RFK: variants seen among roughly 807,000 people sequenced by gnomAD.
RFK encodes the protein riboflavin kinase, also known as 0610038L10Rik.
RFK carries 4 observed loss-of-function variants against 17.6 expected under a neutral mutation model. That is an observed-to-expected ratio of 0.23 (90% CI 0.11 to 0.52). The LOEUF (loss-of-function observed/expected upper bound fraction) is 0.52, where lower values mean the gene tolerates loss of function less well. Among genes scored for constraint, RFK ranks in the 20% least tolerant of loss-of-function variants. RFK has a pLI of 0.96. For missense variants in RFK, 189 were observed against 187.7 expected (o/e 1.01, Z -0.04); for synonymous variants, 59 against 63.8 (o/e 0.92, Z 0.36).
chr9:76,393,805 C>A, intron 1 of RFK: 1 of 478,988 alleles, frequency 2.1e-6, no homozygotes, highest in Non-Finnish European at 3.7e-6. Flanking sequence ...TGTACCTTGG[C>A]TGGCCAAGGA....
intron 2 of RFK, among the ~76,000 whole-genome samples, chr9:76,389,196 C>T (rs989460352): frequency 1.3e-5 from 2 of 152,100 alleles, no homozygotes; most frequent in Non-Finnish European, 1.5e-5. Flanking sequence ...TGCCGCATGA[C>T]GTAGAAAGTG....
rs960148593 is a variant in RFK at position 76,394,394 on chromosome 9, C to A, written c.-223G>T. The A allele has an allele frequency of 3.6e-5, 17 of 474,648 alleles. 1 individual carries two copies. The South Asian group carries it at 5.3e-4, about 15-fold the overall frequency. The allele number at this position is 474,648 out of a possible 1,614,324, so 29.4% of individuals were successfully genotyped here. On this transcript the variant is annotated 5_prime_UTR_variant, in exon 1 of 4. Transcript: ENST00000376736. ...CCGGGCGCCTGAGGAGCTGCGTCTC[C>A]GCTGGAGGGCAGCGGAGACAGCCGA...
At chr9:76,387,721 C>G in intron 3 of RFK, 192 bp from the exon 4 acceptor site, 1 of 393,790 alleles carries the variant, frequency 2.5e-6, no homozygotes, top group East Asian at 3.4e-5. Context: ...GTCCCTAGGC[C>G]GGGGGCAGTG....
chr9:76,392,659 G>A, intron 1 of RFK, 90 bp from the exon 2 acceptor site: 1 of 1,308,792 alleles, frequency 7.6e-7, no homozygotes, highest in Non-Finnish European at 1.1e-6. Flanking sequence ...GTAATTCTAG[G>A]ACTTTGAGAG....
chr9:76,392,220 G>A (rs1335165250), intron 2 of RFK, among the ~76,000 whole-genome samples, 198 bp downstream of exon 2: 1 of 152,152 alleles, frequency 6.6e-6, no homozygotes, highest in Non-Finnish European at 1.5e-5. Flanking sequence ...CAAAACAGTA[G>A]ATGTCCCTCC....
At chr9:76,390,738 A>G (rs1822808368) in intron 2 of RFK, among the ~76,000 whole-genome samples, 1 of 143,696 alleles carries the variant, frequency 7.0e-6, no homozygotes, top group African/African-American at 2.4e-5. Flanking sequence ...ACACACACAC[A>G]CACAATGAAA....
chr9:76,386,439 T>C lies in RFK; in HGVS notation c.*960A>G, dbSNP rs949683822. On this transcript the variant is annotated 3_prime_UTR_variant, in exon 4 of 4. Coordinates refer to ENST00000376736, the MANE Select transcript of RFK (RefSeq NM_018339.6). Reference sequence around the variant, plus strand: ...AAACATTTTGTGTTCTTTAAGAAATTGATATGTGTAAATGTGTTCACTTAA... The same window carrying C: ...AAACATTTTGTGTTCTTTAAGAAATCGATATGTGTAAATGTGTTCACTTAA... 2 of 152,184 alleles carry C rather than the reference T, an allele frequency of 1.3e-5. No homozygotes were observed. The highest frequency in any genetic ancestry group is 2.4e-5 in the African/African-American group (1 of 41,452). 9.4% of individuals were successfully genotyped at this position (152,184 alleles called of 1,614,324 possible).
chr9:76,393,947 G>T (rs1294527279), intron 1 of RFK, 143 bp downstream of exon 1: 2 of 739,138 alleles, frequency 2.7e-6, no homozygotes, highest in Admixed American at 2.9e-5. Context: ...CTCCGCCACA[G>T]ACAAGGGGAT....
In RFK at chr9:76,387,216, CTA is replaced by C. The variant is rs1822746857; in HGVS notation, c.*181_*182del. On this transcript the variant is annotated 3_prime_UTR_variant, in exon 4 of 4. Coordinates refer to ENST00000376736, the MANE Select transcript of RFK (RefSeq NM_018339.6). ...TATTTTTAACTCAATCTTTTTAGTGCTATGATATGATGGGCTTAATTTAATAG... is the reference window on the plus strand; with the variant it reads ...TATTTTTAACTCAATCTTTTTAGTGCTGATATGATGGGCTTAATTTAATAG... 2.0e-6 allele frequency: 1 copy of C among 507,062 alleles called. No individual in the cohort carries two copies. Among genetic ancestry groups the C allele is most frequent in the African/African-American group, 1.9e-5 (1 of 52,666 alleles). The allele number at this position is 507,062 out of a possible 1,614,324, so 31.4% of individuals were successfully genotyped here.
intron 3 of RFK, 22 bp downstream of exon 3, chr9:76,388,529 TAAG>T (rs1248753094): frequency 7.1e-7 from 1 of 1,404,974 alleles, no homozygotes; most frequent in Non-Finnish European, 1.0e-6. Context: ...TAGTAGTATT[TAAG>T]AAGATCAAAA....
At chr9:76,388,170 C>T (rs1385451546) in intron 3 of RFK, 1 of 453,646 alleles carries the variant, frequency 2.2e-6, no homozygotes, top group Non-Finnish European at 4.4e-6. Flanking sequence ...TATCACACTA[C>T]ACTAATACAT....
intron 1 of RFK, among the ~76,000 whole-genome samples, chr9:76,393,092 C>G (rs1822837920): frequency 6.6e-6 from 1 of 151,974 alleles, no homozygotes; most frequent in South Asian, 2.1e-4. Context: ...ATATAAAGCT[C>G]TCCAAAAAAA....
chr9:76,388,403 AG>A (rs1371519733), intron 3 of RFK, 150 bp downstream of exon 3: 1 of 647,922 alleles, frequency 1.5e-6, no homozygotes, highest in African/African-American at 1.8e-5. Flanking sequence ...AGGTGAAAGA[AG>A]ATAGATTCAC....
intron 1 of RFK, 26 bp downstream of exon 1, chr9:76,394,064 G>A (rs774491321): frequency 6.4e-7 from 1 of 1,570,360 alleles, no homozygotes; most frequent in South Asian, 1.2e-5. Context: ...ACCCGGCCCG[G>A]GGGACTCTGG....
intron 2 of RFK, among the ~76,000 whole-genome samples, chr9:76,389,044 G>C (rs953236666): frequency 6.6e-6 from 1 of 152,230 alleles, no homozygotes; most frequent in African/African-American, 2.4e-5. Flanking sequence ...AGGTCAGTCA[G>C]CATTTGCACA....
chr9:76,389,292 TC>T (rs1294863532), intron 2 of RFK, among the ~76,000 whole-genome samples: 1 of 152,142 alleles, frequency 6.6e-6, no homozygotes, highest in Non-Finnish European at 1.5e-5. Context: ...AAGTCTGGGT[TC>T]CCACACTTGG....
In RFK at chr9:76,394,130, C is replaced by T. The variant is rs141491972; in HGVS notation, c.42G>A (p.Arg14=). The part of the protein sequence containing the change: ...LPYFCRGQVV[R]GFGRGSKQLG... ...GCTGCTTGGAGCCGCGGCCGAAGCCCCGCACCACTTGACCCCGGCAGAAGT... is the reference window on the plus strand; with the variant it reads ...GCTGCTTGGAGCCGCGGCCGAAGCCTCGCACCACTTGACCCCGGCAGAAGT... Residue 14 remains arginine (R), a synonymous_variant, in exon 1 of 4, where the codon CGG becomes CGA. Coordinates refer to ENST00000376736, the MANE Select transcript of RFK (RefSeq NM_018339.6). 656 of 1,609,748 alleles carry T rather than the reference C, an allele frequency of 4.1e-4. 1 individual carries two copies. The highest frequency in any genetic ancestry group is 5.4e-4 in the Non-Finnish European group (639 of 1,178,970).
rs1317379158 is a variant in RFK at position 76,388,661 on chromosome 9, A to C, written c.235-5T>G. The C allele has an allele frequency of 6.4e-7, 1 of 1,561,278 alleles. No homozygotes were observed. Among genetic ancestry groups the C allele is most frequent in the Admixed American group, 1.7e-5 (1 of 59,326 alleles). ...GGTATGCATGATATGTGTTTCCTAT[A>C]GTCAAGAAATGTTACAAAGAGTGCT... On this transcript the variant is annotated splice_polypyrimidine_tract_variant and splice_region_variant and intron_variant, in intron 2 of 3. Transcript: ENST00000376736.
At chr9:76,391,765 A>G (rs1232910978) in intron 2 of RFK, among the ~76,000 whole-genome samples, 2 of 152,212 alleles carry the variant, frequency 1.3e-5, no homozygotes, top group South Asian at 4.1e-4. Flanking sequence ...ACAATGTATA[A>G]GGATGTAATC....
Sources: allele counts gnomAD v4.1 joint callset (sites outside exome capture counted in the v4.1 genomes callset), GRCh38; gene constraint gnomAD v4.1.1; transcripts MANE v1.5; gene names NCBI Gene and HGNC (gene_info 2026-07-23, HGNC 2026-07-21).